Variants in EBF1 observed in about 807,000 individuals in gnomAD.
EBF1 encodes EBF transcription factor 1, also known as transcription factor COE1.
EBF1 carries 10 observed loss-of-function variants against 68.4 expected under a neutral mutation model. The ratio of observed to expected loss-of-function variants is 0.15; its 90% confidence interval spans 0.09 to 0.25. The LOEUF (loss-of-function observed/expected upper bound fraction) is 0.25, where lower values mean the gene tolerates loss of function less well. EBF1 is among the 10% of genes least tolerant of loss of function. The probability of loss-of-function intolerance (pLI) is 1.00; values close to 1 mark genes in which losing one functional copy is unlikely to be tolerated. For missense variants in EBF1, 509 were observed against 794.4 expected (o/e 0.64, Z 4.32); for synonymous variants, 298 against 299.8 (o/e 0.99, Z 0.06).
At chr5:159,004,425 A>G (rs1175671518) in intron 6 of EBF1, among the ~76,000 whole-genome samples, 2 of 152,160 alleles carry the variant, frequency 1.3e-5, no homozygotes, top group African/African-American at 4.8e-5. Context: ...CTACAGGACT[A>G]TCTTAAGGTT....
chr5:158,794,364 T>C (rs1440113899), intron 9 of EBF1, among the ~76,000 whole-genome samples: 1 of 152,164 alleles, frequency 6.6e-6, no homozygotes, highest in African/African-American at 2.4e-5. Flanking sequence ...TTAAAGCAAT[T>C]TGGATAAATC....
rs531381360 is a variant in EBF1, at chr5:158,862,641, TACC to T, written c.555-22534_555-22532del. 1.3e-3 allele frequency among the ~76,000 whole-genome samples: 198 copies of T among 152,090 alleles called. 1 individual carries two copies. Among genetic ancestry groups the T allele is most frequent in the African/African-American group, 4.3e-3 (178 of 41,474 alleles). On this transcript the variant is annotated intron_variant, in intron 6 of 15. Transcript: ENST00000313708. ...GTCAGGTTTTCTACTTGGCCCATGC[TACC>T]ACCAAGATACCATGTCCAAGAGTAG...
At chr5:159,054,521 T>C (rs898275203) in intron 6 of EBF1, among the ~76,000 whole-genome samples, 1 of 152,272 alleles carries the variant, frequency 6.6e-6, no homozygotes, top group Middle Eastern at 3.4e-3. Flanking sequence ...TTTTATGAAA[T>C]TCCAATTTCT....
intron 6 of EBF1, among the ~76,000 whole-genome samples, chr5:159,014,470 TATCCTA>T (rs1377304822): frequency 6.6e-6 from 1 of 152,216 alleles, no homozygotes; most frequent in Non-Finnish European, 1.5e-5. Flanking sequence ...TAACTAGAGT[TATCCTA>T]ACTCCAGGAG....
At chr5:158,715,727 T>G (rs1193266659) in intron 11 of EBF1, among the ~76,000 whole-genome samples, 1 of 152,236 alleles carries the variant, frequency 6.6e-6, no homozygotes, top group Non-Finnish European at 1.5e-5. Context: ...GCTGTAGTAG[T>G]GTCTGACCAC....
intron 11 of EBF1, among the ~76,000 whole-genome samples, chr5:158,717,948 A>C (rs1481769439): frequency 1.3e-5 from 2 of 152,188 alleles, no homozygotes; most frequent in Non-Finnish European, 2.9e-5. Flanking sequence ...TGGATGCATT[A>C]TTCTTACTCT....
At chr5:158,812,492 T>A (rs1782863704) in intron 8 of EBF1, among the ~76,000 whole-genome samples, 1 of 152,062 alleles carries the variant, frequency 6.6e-6, no homozygotes, top group Non-Finnish European at 1.5e-5. Context: ...AGGACCCAGG[T>A]GGATCTTGCT....
At chr5:158,902,588 G>A (rs1014892261) in intron 6 of EBF1, among the ~76,000 whole-genome samples, 1 of 147,368 alleles carries the variant, frequency 6.8e-6, no homozygotes, top group Non-Finnish European at 1.5e-5. Flanking sequence ...CACCACACCT[G>A]AATAATTTTA....
intron 6 of EBF1, among the ~76,000 whole-genome samples, chr5:158,996,694 A>G (rs1761482214): frequency 6.6e-6 from 1 of 152,164 alleles, no homozygotes; most frequent in African/African-American, 2.4e-5. Flanking sequence ...GGACACTTCT[A>G]CCATTTATTA....
At chr5:158,789,132 T>C (rs895025546) in intron 9 of EBF1, among the ~76,000 whole-genome samples, 3 of 152,168 alleles carry the variant, frequency 2.0e-5, no homozygotes, top group Non-Finnish European at 2.9e-5. Context: ...AAATAAAGTT[T>C]ATAATTTTGC....
Position 159,099,610 on chromosome 5 carries a change from G to C in EBF1, c.-132C>G. The stretch of plus-strand genomic sequence containing the variant: ...GAGATTTTTTTTTTTCTCAGACGAT[G>C]AACTCGCACTTAGAAGATCAAGGCG... On this transcript the variant is annotated 5_prime_UTR_variant, in exon 1 of 16. Transcript: ENST00000313708. 8.0e-7 allele frequency: 1 copy of C among 1,251,992 alleles called. No individual in the cohort carries two copies. Among genetic ancestry groups the C allele is most frequent in the Non-Finnish European group, 1.1e-6 (1 of 949,984 alleles). 77.6% of individuals were successfully genotyped at this position (1,251,992 alleles called of 1,614,324 possible). A position where few individuals can be genotyped will look rare whatever the true frequency, so the allele number is the denominator to read the frequency against.
At chr5:158,743,149 T>C (rs1466576328) in intron 10 of EBF1, among the ~76,000 whole-genome samples, 1 of 152,192 alleles carries the variant, frequency 6.6e-6, no homozygotes, top group Non-Finnish European at 1.5e-5. Flanking sequence ...AACTGTAGCA[T>C]TATTAATGTA....
intron 4 of EBF1, among the ~76,000 whole-genome samples, chr5:159,092,828 C>T (rs770847840): frequency 2.0e-5 from 3 of 151,970 alleles, no homozygotes; most frequent in East Asian, 3.9e-4. Context: ...CTTATCAGAC[C>T]AGAAGTGTTT....
chr5:158,730,883 T>A (rs934063001), intron 11 of EBF1, among the ~76,000 whole-genome samples, 186 bp downstream of exon 11: 1 of 152,224 alleles, frequency 6.6e-6, no homozygotes, highest in Admixed American at 6.5e-5. Flanking sequence ...GATATAAAAG[T>A]AAGCACAGTG....
rs1430860462 is a variant in EBF1 at position 158,861,855 on chromosome 5, A to G, written c.555-21745T>C. 4.6e-5 allele frequency among the ~76,000 whole-genome samples: 7 copies of G among 151,948 alleles called. No individual in the cohort carries two copies. The East Asian group carries it at 1.4e-3, about 29-fold the overall frequency. On this transcript the variant is annotated intron_variant, in intron 6 of 15. Coordinates refer to ENST00000313708, the MANE Select transcript of EBF1 (RefSeq NM_024007.5). ...GTTGATTTATTGTAAAAAAAAAAAA[A>G]TGTTTAAAATCCAAAATTCATAGAT... is the stretch of plus-strand genomic sequence containing the variant.
intron 6 of EBF1, among the ~76,000 whole-genome samples, chr5:158,865,557 G>C (rs1287026925): frequency 6.6e-6 from 1 of 152,082 alleles, no homozygotes; most frequent in Non-Finnish European, 1.5e-5. Flanking sequence ...GGTGATAATG[G>C]GATCACAATC....
chr5:158,810,536 A>G (rs1489753027), intron 8 of EBF1, among the ~76,000 whole-genome samples: 3 of 152,090 alleles, frequency 2.0e-5, no homozygotes, highest in South Asian at 2.1e-4. Flanking sequence ...CTCAAATCTG[A>G]CACTGTCTGT....
At chr5:158,871,612 G>T (rs1459876192) in intron 6 of EBF1, among the ~76,000 whole-genome samples, 1 of 152,056 alleles carries the variant, frequency 6.6e-6, no homozygotes, top group African/African-American at 2.4e-5. Flanking sequence ...AAAACCCCCT[G>T]GCCAAGGATC....
chr5:158,757,400 C>T (rs1302987050), intron 10 of EBF1, among the ~76,000 whole-genome samples: 1 of 152,130 alleles, frequency 6.6e-6, no homozygotes, highest in Non-Finnish European at 1.5e-5. Context: ...AAGTATGGAA[C>T]AAACTGAAAC....
Sources: allele counts gnomAD v4.1 joint callset (sites outside exome capture counted in the v4.1 genomes callset), GRCh38; gene constraint gnomAD v4.1.1; transcripts MANE v1.5; gene names NCBI Gene and HGNC (gene_info 2026-07-23, HGNC 2026-07-21).